L3MBTL3: variants seen among roughly 807,000 people sequenced by gnomAD.
The protein encoded by L3MBTL3 is L3MBTL histone methyl-lysine binding protein 3, also known as lethal(3)malignant brain tumor-like protein 3.
A neutral mutation model predicts 102.3 loss-of-function variants in L3MBTL3; 27 were observed. The ratio of observed to expected loss-of-function variants is 0.26; its 90% CI spans 0.19 to 0.36. L3MBTL3 has a LOEUF of 0.36. Among genes scored for constraint, L3MBTL3 ranks in the 10% least tolerant of loss-of-function variants. The pLI is 1.00. For synonymous variants in L3MBTL3, 340 were observed against 320.9 expected (o/e 1.06, Z -0.64); for missense variants, 798 against 955.3 (o/e 0.84, Z 2.17).
chr6:130,112,047 T>A (rs1484425603), intron 19 of L3MBTL3, among the ~76,000 whole-genome samples: 1 of 152,212 alleles, frequency 6.6e-6, no homozygotes, highest in African/African-American at 2.4e-5. Flanking sequence ...TGCCATCTCC[T>A]AGCTAATCTC....
chr6:130,032,050 C>A (rs1584282875), intron 2 of L3MBTL3, among the ~76,000 whole-genome samples: 1 of 152,092 alleles, frequency 6.6e-6, no homozygotes, highest in African/African-American at 2.4e-5. Flanking sequence ...GTAGCTGAGA[C>A]CACAGGTGTG....
chr6:130,040,868 A>G (rs1780377384), intron 2 of L3MBTL3, among the ~76,000 whole-genome samples: 1 of 152,186 alleles, frequency 6.6e-6, no homozygotes, highest in African/African-American at 2.4e-5. Context: ...AATAACATTT[A>G]TTATTTTTAC....
At chr6:130,126,583 C>T (rs968747238) in intron 20 of L3MBTL3, among the ~76,000 whole-genome samples, 1 of 152,112 alleles carries the variant, frequency 6.6e-6, no homozygotes, top group African/African-American at 2.4e-5. Flanking sequence ...AGTCTTTTTA[C>T]AAAGGTATTT....
intron 2 of L3MBTL3, among the ~76,000 whole-genome samples, chr6:130,041,294 G>T (rs1246143918): frequency 6.6e-6 from 1 of 152,128 alleles, no homozygotes; most frequent in African/African-American, 2.4e-5. Flanking sequence ...AGATGGTGTT[G>T]GGTTTGCATT....
intron 3 of L3MBTL3, among the ~76,000 whole-genome samples, chr6:130,048,809 G>T (rs1780884805): frequency 1.3e-5 from 2 of 152,258 alleles, no homozygotes; most frequent in East Asian, 1.9e-4. Context: ...CTGGCATAGG[G>T]ATATTCCTTC....
Position 130,086,172 on chromosome 6 carries a change from G to T in L3MBTL3, c.1440G>T (p.Lys480Asn), listed in dbSNP as rs1783673012. ...KPPHGFQKKMKLEVVDKRNPM... is the reference protein window; with the variant it reads ...KPPHGFQKKMNLEVVDKRNPM... ...CTCATGGATTCCAGAAAAAAATGAA[G>T]CTTGAGGTTGTAGACAAAAGGAACC... is the stretch of plus-strand genomic sequence containing the variant. The change falls in exon 16 of 23, where the codon AAG becomes AAT. Residue 480 changes from lysine (K) to asparagine (N), a missense_variant. By Grantham distance (94) the Lys-to-Asn change is moderately conservative. Coordinates refer to ENST00000361794, the MANE Select transcript of L3MBTL3 (RefSeq NM_032438.4). 1.2e-6 allele frequency: 2 copies of T among 1,613,022 alleles called. No homozygotes were observed. The highest frequency in any genetic ancestry group is 2.2e-5 in the South Asian group (2 of 90,884).
At chr6:130,100,646 CAA>C (rs68109213) in intron 18 of L3MBTL3, among the ~76,000 whole-genome samples, 199 of 126,306 alleles carry the variant, frequency 1.6e-3, no homozygotes, top group African/African-American at 4.9e-3. Context: ...AATCTATTTT[CAA>C]AAAAAAAAAA....
At chr6:130,078,662 C>T in intron 14 of L3MBTL3, 28 bp downstream of exon 14, 1 of 1,445,684 alleles carries the variant, frequency 6.9e-7, no homozygotes, top group Middle Eastern at 1.8e-4. Context: ...GTGGCTAATA[C>T]TATTCGTAGA....
chr6:130,078,664 A>G, intron 14 of L3MBTL3, 30 bp downstream of exon 14: 1 of 1,416,418 alleles, frequency 7.1e-7, no homozygotes, highest in Non-Finnish European at 9.9e-7. Context: ...GGCTAATACT[A>G]TTCGTAGACT....
intron 16 of L3MBTL3, 78 bp downstream of exon 16, chr6:130,086,328 C>T (rs1448299670): frequency 3.3e-5 from 30 of 899,930 alleles, no homozygotes; most frequent in Non-Finnish European, 5.0e-5. Flanking sequence ...AGATACTTAA[C>T]TTGTGAAGTC....
intron 22 of L3MBTL3, among the ~76,000 whole-genome samples, chr6:130,139,240 T>C (rs1241064766): frequency 1.3e-5 from 2 of 152,210 alleles, no homozygotes; most frequent in East Asian, 1.9e-4. Flanking sequence ...CAAACATTCA[T>C]GTACCTGTTA....
At chr6:130,108,241 T>G (rs867757612) in intron 19 of L3MBTL3, among the ~76,000 whole-genome samples, 26 of 141,288 alleles carry the variant, frequency 1.8e-4, no homozygotes, top group Admixed American at 3.5e-4. Flanking sequence ...GTTTTTTTTT[T>G]TTTTTTTTTT....
At chr6:130,025,245 G>C (rs934483366) in intron 2 of L3MBTL3, among the ~76,000 whole-genome samples, 3 of 152,158 alleles carry the variant, frequency 2.0e-5, no homozygotes, top group Admixed American at 6.5e-5. Context: ...ATGTTCATAT[G>C]GGTGCACATT....
At position 130,104,583 on chromosome 6, in the gene L3MBTL3, A is replaced by G. The variant is rs747801997; in HGVS notation, c.1886+8A>G. On this transcript the variant is annotated splice_region_variant and intron_variant, in intron 19 of 22. Coordinates refer to ENST00000361794, the MANE Select transcript of L3MBTL3 (RefSeq NM_032438.4). ...TTCTTCCCCTGAAATCAGGTAATCA[A>G]AGAGCTAATATTAGCATTGTTTAGA... The G allele has an allele frequency of 1.3e-6, 2 of 1,551,200 alleles. No homozygotes were observed. The highest frequency in any genetic ancestry group is 1.7e-6 in the Non-Finnish European group (2 of 1,154,016).
At chr6:130,122,944 G>C (rs1202537052) in intron 20 of L3MBTL3, among the ~76,000 whole-genome samples, 1 of 152,188 alleles carries the variant, frequency 6.6e-6, no homozygotes, top group South Asian at 2.1e-4. Flanking sequence ...AATAGTAGTA[G>C]TATTGTGGAA....
chr6:130,130,803 G>A (rs1045158791), intron 20 of L3MBTL3, among the ~76,000 whole-genome samples: 1 of 152,160 alleles, frequency 6.6e-6, no homozygotes, highest in African/African-American at 2.4e-5. Context: ...TTCTGTATAA[G>A]CTCAATGAGG....
At chr6:130,120,027 C>G (rs1057328514) in intron 19 of L3MBTL3, among the ~76,000 whole-genome samples, 5 of 152,096 alleles carry the variant, frequency 3.3e-5, no homozygotes, top group African/African-American at 9.7e-5. Flanking sequence ...AAGAAACTCA[C>G]GTATATTTGT....
rs1028827796 is a variant in L3MBTL3 at position 130,107,770 on chromosome 6, A to G, written c.1886+3195A>G. On this transcript the variant is annotated intron_variant, in intron 19 of 22. Transcript: ENST00000361794. ...GGTACATAAACCAGTGAGAGACACTAAAACTTTGGAGGTAGAAAGTTGATG... is the reference window on the plus strand; with the variant it reads ...GGTACATAAACCAGTGAGAGACACTGAAACTTTGGAGGTAGAAAGTTGATG... 3.9e-5 allele frequency among the ~76,000 whole-genome samples: 6 copies of G among 152,218 alleles called. No homozygotes were observed. In the East Asian group the frequency reaches 9.6e-4, roughly 24 times the overall value.
intron 18 of L3MBTL3, among the ~76,000 whole-genome samples, chr6:130,095,780 G>A (rs1204024537): frequency 6.6e-6 from 1 of 152,182 alleles, no homozygotes; most frequent in Non-Finnish European, 1.5e-5. Flanking sequence ...GAGAGCATGT[G>A]TGAGAGAGCT....
Sources: allele counts gnomAD v4.1 joint callset (sites outside exome capture counted in the v4.1 genomes callset), GRCh38; gene constraint gnomAD v4.1.1; transcripts MANE v1.5; gene names NCBI Gene and HGNC (gene_info 2026-07-23, HGNC 2026-07-21).